Variants in NR2E1 observed in about 807,000 individuals in gnomAD.
NR2E1 encodes nuclear receptor TLX.
Under a neutral mutation model 43.6 loss-of-function variants are expected in NR2E1, and 5 were observed. The ratio of observed to expected loss-of-function variants is 0.11; its 90% CI spans 0.06 to 0.24. The LOEUF (loss-of-function observed/expected upper bound fraction) is 0.24. Ranked by LOEUF, NR2E1 falls within the 10% of genes least tolerant of loss-of-function variation. The probability of loss-of-function intolerance (pLI) is 1.00; values close to 1 mark genes in which losing one functional copy is unlikely to be tolerated. For synonymous variants in NR2E1, 191 were observed against 195.5 expected (o/e 0.98, Z 0.19); for missense variants, 287 against 496.7 (o/e 0.58, Z 4.01).
intron 3 of NR2E1, among the ~76,000 whole-genome samples, chr6:108,175,653 GCC>G (rs1170621323): frequency 6.6e-6 from 1 of 152,212 alleles, no homozygotes; most frequent in Non-Finnish European, 1.5e-5. Context: ...GGCGCCCCAG[GCC>G]CAGGCAGGGG....
chr6:108,171,378 C>A, intron 1 of NR2E1, 80 bp from the exon 2 acceptor site: 2 of 1,459,702 alleles, frequency 1.4e-6, no homozygotes, highest in Non-Finnish European at 1.9e-6. Context: ...CTCTCTCTCC[C>A]TCTCCCCTTT....
chr6:108,168,298 A>AT, intron 1 of NR2E1: 1 of 846,352 alleles, frequency 1.2e-6, no homozygotes, highest in South Asian at 2.0e-5. Context: ...CAGGCCTCCT[A>AT]GCTCGCTCGC....
chr6:108,176,192 C>G (rs998648051), intron 3 of NR2E1: 1 of 428,598 alleles, frequency 2.3e-6, no homozygotes, highest in Non-Finnish European at 4.2e-6. Context: ...CTGCGAACCC[C>G]CTTCCCTGGT....
chr6:108,180,922 T>G lies in NR2E1; in HGVS notation c.855T>G (p.Phe285Leu). Residue 285 changes from phenylalanine to leucine, a missense_variant, in exon 7 of 9, where the codon TTT (phenylalanine) becomes TTG (leucine). Around this residue, in one of 4 missense-constraint regions of NR2E1, gnomAD observed 119 missense variants for 187.0 expected, o/e 0.64. Transcript: ENST00000368986. The surrounding 1 kb of genome is among the most constrained non-coding windows in gnomAD (Gnocchi z 5.4). ...FRQLRLDATE[F>L]ACLKCIVTFK... is the part of the protein sequence containing the mutation. ...AACTCCGGTTAGATGCTACTGAATTTGCCTGTCTAAAATGCATCGTCACTT... is the reference window on the plus strand; with the variant it reads ...AACTCCGGTTAGATGCTACTGAATTGGCCTGTCTAAAATGCATCGTCACTT... 1 of 1,614,202 alleles carries G rather than the reference T, an allele frequency of 6.2e-7. No homozygotes were observed. Among genetic ancestry groups the G allele is most frequent in the Non-Finnish European group, 8.5e-7 (1 of 1,180,030 alleles).
At chr6:108,179,132 T>A (rs1434412382) in intron 5 of NR2E1, 1 of 152,252 alleles carries the variant, frequency 6.6e-6, no homozygotes, top group Non-Finnish European at 1.5e-5. Context: ...TTATATGAAG[T>A]ATGTTTCCTA....
Position 108,174,859 on chromosome 6 carries a change from G to C in NR2E1, c.195G>C (p.Thr65=), listed in dbSNP as rs1363672030. ...GNQGGCPVDK[T]HRNQCRACRL... is the part of the protein sequence containing the mutation. The stretch of plus-strand genomic sequence containing the variant: ...AGGGAGGCTGTCCGGTGGACAAGAC[G>C]CACAGAAACCAGTGCAGGGCGTGTC... Residue 65 remains threonine, a synonymous_variant, in exon 3 of 9, where the codon ACG becomes ACC. Transcript: ENST00000368986. 6.2e-7 allele frequency: 1 copy of C among 1,614,094 alleles called. No individual in the cohort carries two copies. The highest frequency in any genetic ancestry group is 1.7e-5 in the Admixed American group (1 of 60,032).
Position 108,166,933 on chromosome 6 carries a change from C to T in NR2E1, c.25+143C>T, listed in dbSNP as rs1424975820. The T allele has an allele frequency of 5.7e-6, 5 of 882,702 alleles. No individual in the cohort carries two copies. The highest frequency in any genetic ancestry group is 2.1e-5 in the Admixed American group (1 of 48,128). The allele number at this position is 882,702 out of a possible 1,614,324, so 54.7% of individuals were successfully genotyped here. On this transcript the variant is annotated intron_variant, in intron 1 of 8. Transcript: ENST00000368986. This position sits in a 1 kb window ranked among gnomAD's most constrained non-coding sequence, Gnocchi z 7.2. ...AGCGGGCGTGTGCGTTCGGCCCAGA[C>T]CTGTAGACCGTGAGTTGGAGCATTT...
chr6:108,169,212 C>A lies in NR2E1; in HGVS notation c.26-2246C>A, dbSNP rs1344926208. Among the ~76,000 whole-genome samples, 2 of 152,210 alleles carry A rather than the reference C, an allele frequency of 1.3e-5. No homozygotes were observed. The highest frequency in any genetic ancestry group is 2.9e-5 in the Non-Finnish European group (2 of 68,032). ...GCGTCCCTCCCTCCTGGGCCCCGCC[C>A]CAGCCCGGTTGCCTGTTTCTAATCT... On this transcript the variant is annotated intron_variant, in intron 1 of 8. Transcript: ENST00000368986. This position sits in a 1 kb window ranked among gnomAD's most constrained non-coding sequence, Gnocchi z 6.1.
At chr6:108,174,963 G>A (rs543499312) in intron 3 of NR2E1, 40 bp downstream of exon 3, 1 of 1,568,656 alleles carries the variant, frequency 6.4e-7, no homozygotes, top group South Asian at 1.1e-5. Context: ...TGATTGAGTA[G>A]TAAGTAAATT....
rs74537270 is a variant in NR2E1 at position 108,170,770 on chromosome 6, C to T, written c.26-688C>T. On this transcript the variant is annotated intron_variant, in intron 1 of 8. Transcript: ENST00000368986. ...AACCGACAACTTGCGTCGCTCCCCTCTCCCTTGCCTAGTCCCGAACCACTT... is the reference window on the plus strand; with the variant it reads ...AACCGACAACTTGCGTCGCTCCCCTTTCCCTTGCCTAGTCCCGAACCACTT... Among the ~76,000 whole-genome samples, 119 of 152,300 alleles carry T rather than the reference C, an allele frequency of 7.8e-4. 1 individual carries two copies. The East Asian group carries it at 0.021, about 27-fold the overall frequency.
chr6:108,185,339 T>G (rs1774055427), intron 8 of NR2E1, among the ~76,000 whole-genome samples: 1 of 152,034 alleles, frequency 6.6e-6, no homozygotes, highest in African/African-American at 2.4e-5. Flanking sequence ...GGCATAGATA[T>G]TCTAAAAAAT....
At chr6:108,168,472 A>G (rs1424136818) in intron 1 of NR2E1, among the ~76,000 whole-genome samples, 2 of 152,230 alleles carry the variant, frequency 1.3e-5, no homozygotes, top group African/African-American at 4.8e-5. Flanking sequence ...CCCGCTGTGG[A>G]CTAGGAGGCA....
intron 8 of NR2E1, among the ~76,000 whole-genome samples, chr6:108,182,555 AT>A (rs1240401253): frequency 0.066 from 8,069 of 122,842 alleles, 415 homozygotes; most frequent in African/African-American, 0.17. Context: ...CACCCAGCTA[AT>A]TTTTTTTTTT....
intron 3 of NR2E1, 77 bp from the exon 4 acceptor site, chr6:108,176,426 G>A (rs1042157738): frequency 2.5e-5 from 36 of 1,455,570 alleles, no homozygotes; most frequent in South Asian, 1.6e-4. Flanking sequence ...ATTGGGGCGG[G>A]GCTGGGGGGA....
intron 1 of NR2E1, chr6:108,168,300 C>A: frequency 1.5e-5 from 12 of 824,476 alleles, no homozygotes; most frequent in South Asian, 6.2e-5. Flanking sequence ...GGCCTCCTAG[C>A]TCGCTCGCCC....
In NR2E1 at chr6:108,187,620, C is replaced by A; in HGVS notation, c.*157C>A. On this transcript the variant is annotated 3_prime_UTR_variant, in exon 9 of 9. Coordinates refer to ENST00000368986, the MANE Select transcript of NR2E1 (RefSeq NM_003269.5). ...CAATTGACACAAAGCATTCCAGTAGCTATGACCTGCCGCCCTGACCAGGAT... is the reference window on the plus strand; with the variant it reads ...CAATTGACACAAAGCATTCCAGTAGATATGACCTGCCGCCCTGACCAGGAT... 1.3e-6 allele frequency: 1 copy of A among 787,092 alleles called. No individual in the cohort carries two copies. Among genetic ancestry groups the A allele is most frequent in the South Asian group, 1.5e-5 (1 of 68,488 alleles). The allele number at this position is 787,092 out of a possible 1,614,324, so 48.8% of individuals were successfully genotyped here.
At position 108,188,048 on chromosome 6, in the gene NR2E1, ATCT is replaced by A. The variant is rs1297481910; in HGVS notation, c.*590_*592del. Reference sequence around the variant, plus strand: ...ATGCCATGTGATTTGCTTTTTCTCTATCTTCTTTTTTCTTTTCTTTCTCTTTCT... The same window carrying A: ...ATGCCATGTGATTTGCTTTTTCTCTATCTTTTTTCTTTTCTTTCTCTTTCT... On this transcript the variant is annotated 3_prime_UTR_variant, in exon 9 of 9. Coordinates refer to ENST00000368986, the MANE Select transcript of NR2E1 (RefSeq NM_003269.5). 6.5e-6 allele frequency: 1 copy of A among 153,602 alleles called. No individual in the cohort carries two copies. The highest frequency in any genetic ancestry group is 2.4e-5 in the African/African-American group (1 of 41,434). The allele number at this position is 153,602 out of a possible 1,614,324, so 9.5% of individuals were successfully genotyped here.
At chr6:108,186,961 T>C (rs1236603549) in intron 8 of NR2E1, among the ~76,000 whole-genome samples, 1 of 152,208 alleles carries the variant, frequency 6.6e-6, no homozygotes, top group Non-Finnish European at 1.5e-5. Flanking sequence ...AATGCCCTGG[T>C]CGTTTTCTAT....
chr6:108,176,652 C>G lies in NR2E1; in HGVS notation c.409C>G (p.Leu137Val). Residue 137 changes from leucine (L) to valine (V), a missense_variant, in exon 4 of 9, where the codon CTG (leucine) becomes GTG (valine). Transcript: ENST00000368986. ...GGCCTTCTTCACCGCGGTCACGCAG[C>G]TGGAGCCGCACGGCCTGGAGCTGGC... The part of the protein sequence containing the change: ...APAFFTAVTQ[L>V]EPHGLELAAV... 9 of 1,607,654 alleles carry G rather than the reference C, an allele frequency of 5.6e-6. No homozygotes were observed. Among genetic ancestry groups the G allele is most frequent in the Non-Finnish European group, 7.6e-6 (9 of 1,178,746 alleles).
Sources: gnomAD v4.1 joint callset for allele counts (sites outside exome capture counted in the v4.1 genomes callset) on GRCh38, gnomAD v4.1.1 for gene constraint, gnomAD v4.1.1 regional missense constraint, Gnocchi (gnomAD v3.1) non-coding constraint, MANE v1.5 for transcripts, NCBI Gene and HGNC (gene_info 2026-07-23, HGNC 2026-07-21) for gene names.